The following PTPRG variants were observed in gnomAD, a reference collection of about 807,000 sequenced individuals.
PTPRG encodes the protein receptor-type tyrosine-protein phosphatase gamma.
In PTPRG, 102 loss-of-function variants were observed where a neutral mutation model predicts 165.3. That is an observed-to-expected ratio of 0.62 (90% CI 0.53 to 0.73). PTPRG has a LOEUF of 0.73. Among genes scored for constraint, PTPRG ranks in the 30% least tolerant of loss-of-function variants. The pLI is 0.00. For synonymous variants in PTPRG, 675 were observed against 669.5 expected (o/e 1.01, Z -0.13); for missense variants, 1,866 against 1,861.4 (o/e 1.00, Z -0.05).
chr3:61,908,485 A>T (rs1266454630), intron 2 of PTPRG, among the ~76,000 whole-genome samples: 2 of 151,732 alleles, frequency 1.3e-5, no homozygotes, highest in Admixed American at 1.3e-4. Context: ...TTGGGAGGTC[A>T]TTGGCTGCAT....
chr3:62,184,062 C>T (rs1705770764), intron 8 of PTPRG, among the ~76,000 whole-genome samples: 1 of 152,176 alleles, frequency 6.6e-6, no homozygotes, highest in Non-Finnish European at 1.5e-5. Context: ...ACTCTGGTTC[C>T]TTGGCCCAGC....
At chr3:62,061,948 G>A (rs984363444) in intron 4 of PTPRG, among the ~76,000 whole-genome samples, 1 of 151,750 alleles carries the variant, frequency 6.6e-6, no homozygotes, top group Non-Finnish European at 1.5e-5. Context: ...TTCTCTTGAT[G>A]CCAAGGTTGC....
At chr3:61,819,953 G>A (rs953211124) in intron 2 of PTPRG, among the ~76,000 whole-genome samples, 15 of 152,062 alleles carry the variant, frequency 9.9e-5, no homozygotes, top group Non-Finnish European at 1.5e-4. Context: ...GGATTTTTAG[G>A]AACGGATCAT....
intron 2 of PTPRG, among the ~76,000 whole-genome samples, chr3:61,887,181 C>T (rs1226969830): frequency 1.6e-5 from 2 of 121,556 alleles, no homozygotes; most frequent in African/African-American, 3.2e-5. Context: ...TTTTTAATGC[C>T]ATCATCAAAC....
chr3:61,779,339 T>G (rs1449092380), intron 2 of PTPRG, among the ~76,000 whole-genome samples: 9 of 151,806 alleles, frequency 5.9e-5, no homozygotes, highest in Non-Finnish European at 2.9e-5. Flanking sequence ...AAGTCTAATT[T>G]TAAGAGTAAG....
intron 26 of PTPRG, among the ~76,000 whole-genome samples, chr3:62,278,098 A>G (rs933324076): frequency 2.0e-5 from 3 of 152,130 alleles, no homozygotes; most frequent in Non-Finnish European, 2.9e-5. Flanking sequence ...TTTAAGACAT[A>G]CATACTATTA....
chr3:62,073,595 CAGCCTCCCAAGT>C (rs1294370313), intron 4 of PTPRG, among the ~76,000 whole-genome samples: 1 of 152,082 alleles, frequency 6.6e-6, no homozygotes, highest in Non-Finnish European at 1.5e-5. Context: ...TCTCCTGCCT[CAGCCTCCCAAGT>C]AGCCTCCCAA....
chr3:62,205,093 G>C (rs1700196598), intron 12 of PTPRG, among the ~76,000 whole-genome samples: 1 of 151,742 alleles, frequency 6.6e-6, no homozygotes, highest in Admixed American at 6.6e-5. Flanking sequence ...CGTATGTTAA[G>C]ATACAACTTA....
intron 13 of PTPRG, among the ~76,000 whole-genome samples, chr3:62,220,689 AG>A (rs1158281522): frequency 6.6e-6 from 1 of 152,162 alleles, no homozygotes; most frequent in Non-Finnish European, 1.5e-5. Flanking sequence ...TCCCTTCTCC[AG>A]GAAAAAGTAT....
intron 2 of PTPRG, among the ~76,000 whole-genome samples, chr3:61,856,321 C>T (rs1272877886): frequency 3.3e-5 from 5 of 151,914 alleles, no homozygotes; most frequent in African/African-American, 4.8e-5. Context: ...CATTTCCCAC[C>T]GCCCCGGCAA....
At chr3:61,823,762 C>T (rs1220205722) in intron 2 of PTPRG, among the ~76,000 whole-genome samples, 1 of 152,120 alleles carries the variant, frequency 6.6e-6, no homozygotes, top group Non-Finnish European at 1.5e-5. Flanking sequence ...TAATGTAGGA[C>T]AACGGAGAAA....
intron 2 of PTPRG, among the ~76,000 whole-genome samples, chr3:61,830,374 C>T (rs769026597): frequency 7.9e-5 from 12 of 152,104 alleles, no homozygotes; most frequent in Non-Finnish European, 1.5e-4. Flanking sequence ...TGTGTAATTA[C>T]AGTTCAACCA....
intron 2 of PTPRG, among the ~76,000 whole-genome samples, chr3:61,886,955 A>G (rs2038053629): frequency 6.6e-6 from 1 of 151,330 alleles, no homozygotes; most frequent in Non-Finnish European, 1.5e-5. Flanking sequence ...GACGAGGTCA[A>G]ACAGCGCACA....
intron 2 of PTPRG, among the ~76,000 whole-genome samples, chr3:61,830,854 A>G (rs1303608894): frequency 6.6e-6 from 1 of 152,186 alleles, no homozygotes; most frequent in Non-Finnish European, 1.5e-5. Context: ...GATCACAGGC[A>G]TGGGCCACTG....
At chr3:61,610,803 TTCTC>T (rs1241750605) in intron 1 of PTPRG, among the ~76,000 whole-genome samples, 1 of 113,200 alleles carries the variant, frequency 8.8e-6, no homozygotes, top group Non-Finnish European at 1.7e-5. Flanking sequence ...CCATCTCTCT[TTCTC>T]TATCTCTCTC....
intron 2 of PTPRG, among the ~76,000 whole-genome samples, chr3:61,866,580 C>CTTTTTTT (rs1452043369): frequency 1.2e-5 from 1 of 80,460 alleles, no homozygotes; most frequent in Admixed American, 1.5e-4. Flanking sequence ...GAACTGTTTG[C>CTTTTTTT]TCTTTTTTTT....
chr3:62,261,812 C>T (rs1480739028), intron 16 of PTPRG: 2 of 151,918 alleles, frequency 1.3e-5, no homozygotes, highest in African/African-American at 2.4e-5. Flanking sequence ...ATATAAAAGA[C>T]AACCAGTTCA....
At chr3:61,803,519 C>T (rs978240153) in intron 2 of PTPRG, among the ~76,000 whole-genome samples, 2 of 118,214 alleles carry the variant, frequency 1.7e-5, no homozygotes, top group African/African-American at 6.9e-5. Flanking sequence ...ACATGTAATG[C>T]CTCAAACATT....
chr3:61,951,192 C>A (rs1432456088), intron 2 of PTPRG, among the ~76,000 whole-genome samples: 1 of 152,204 alleles, frequency 6.6e-6, no homozygotes, highest in East Asian at 1.9e-4. Context: ...AATCTCCCTT[C>A]CCAGTTGAAC....
Sources: allele counts gnomAD v4.1 joint callset (sites outside exome capture counted in the v4.1 genomes callset), GRCh38; gene constraint gnomAD v4.1.1; transcripts MANE v1.5; gene names NCBI Gene and HGNC (gene_info 2026-07-23, HGNC 2026-07-21).